The following SORCS2 variants were observed in gnomAD, a reference collection of about 807,000 sequenced individuals.
SORCS2 encodes VPS10 domain-containing receptor SorCS2.
A neutral mutation model predicts 141.6 loss-of-function variants in SORCS2; 100 were observed. The ratio of observed to expected loss-of-function variants is 0.71; its 90% CI spans 0.60 to 0.83. SORCS2 has a LOEUF of 0.83. Ranked by LOEUF, SORCS2 falls within the 40% of genes least tolerant of loss-of-function variation. The pLI, the probability that SORCS2 is intolerant of heterozygous loss-of-function variation, is 0.00. For missense variants in SORCS2, 1,646 were observed against 1,560.2 expected, an observed-to-expected ratio of 1.05 and a Z score of -0.93; for synonymous variants, 789 against 676.9, an observed-to-expected ratio of 1.17 and a Z score of -2.57.
chr4:7,723,606 A>T, intron 18 of SORCS2, 91 bp from the exon 19 acceptor site: 1 of 1,407,004 alleles, frequency 7.1e-7, no homozygotes, highest in Admixed American at 1.8e-5. Context: ...GCAATGAATG[A>T]ATGAGTGAGT....
chr4:7,374,398 A>C (rs552718994), intron 1 of SORCS2, among the ~76,000 whole-genome samples: 1 of 152,260 alleles, frequency 6.6e-6, no homozygotes, highest in South Asian at 2.1e-4. Context: ...CCCGGGTCTG[A>C]AAGTGGCGTG....
rs1245185796 is a variant in SORCS2, at chr4:7,574,737, C to T, written c.648+43108C>T. The stretch of plus-strand genomic sequence containing the variant: ...CAGGGCAGGGCCTTTTAGGTCAACC[C>T]CCATGAGCAGGAGGAAGGGCGGCTC... On this transcript the variant is annotated intron_variant, in intron 3 of 26. Coordinates refer to ENST00000507866, the MANE Select transcript of SORCS2 (RefSeq NM_020777.3). 3.9e-5 allele frequency among the ~76,000 whole-genome samples: 6 copies of T among 152,242 alleles called. No individual in the cohort carries two copies. The East Asian group carries it at 1.2e-3, about 29-fold the overall frequency.
At chr4:7,545,836 G>C (rs561974726) in intron 3 of SORCS2, among the ~76,000 whole-genome samples, 1 of 152,322 alleles carries the variant, frequency 6.6e-6, no homozygotes, top group East Asian at 1.9e-4. Context: ...TGGCTCTCAC[G>C]AAACACTCCA....
intron 1 of SORCS2, among the ~76,000 whole-genome samples, chr4:7,278,366 C>T (rs1054032971): frequency 5.9e-5 from 9 of 152,120 alleles, no homozygotes; most frequent in Non-Finnish European, 1.2e-4. Flanking sequence ...ATCATCAACT[C>T]CTCAGGCATC....
chr4:7,697,736 T>C (rs572370219), intron 12 of SORCS2, among the ~76,000 whole-genome samples: 1 of 146,232 alleles, frequency 6.8e-6, no homozygotes, highest in African/African-American at 2.6e-5. Context: ...GCAGGGGCTG[T>C]GGACACAGCA....
chr4:7,445,080 G>A (rs758053387), intron 2 of SORCS2, among the ~76,000 whole-genome samples: 1 of 150,562 alleles, frequency 6.6e-6, no homozygotes, highest in Non-Finnish European at 1.5e-5. Context: ...GGGAGGGATT[G>A]GGGGAGGCCC....
intron 1 of SORCS2, among the ~76,000 whole-genome samples, chr4:7,315,622 C>T (rs1208038838): frequency 1.3e-5 from 2 of 152,204 alleles, no homozygotes; most frequent in African/African-American, 4.8e-5. Context: ...GTCCTCTTTC[C>T]TCCCAGGAGG....
intron 6 of SORCS2, among the ~76,000 whole-genome samples, chr4:7,662,221 C>T (rs1211411399): frequency 7.5e-6 from 1 of 134,096 alleles, no homozygotes. Context: ...TGGCTCCCCA[C>T]CCTCCCCCCC....
At chr4:7,680,927 A>G (rs1334047607) in intron 9 of SORCS2, among the ~76,000 whole-genome samples, 1 of 152,238 alleles carries the variant, frequency 6.6e-6, no homozygotes, top group African/African-American at 2.4e-5. Context: ...ACTTTGAAAC[A>G]GATAATTTGT....
At chr4:7,602,907 G>T (rs1048253001) in intron 3 of SORCS2, among the ~76,000 whole-genome samples, 1 of 152,224 alleles carries the variant, frequency 6.6e-6, no homozygotes, top group East Asian at 1.9e-4. Flanking sequence ...CTGCAATCCC[G>T]GCACCTCGGG....
intron 10 of SORCS2, among the ~76,000 whole-genome samples, chr4:7,688,243 G>T (rs1446691653): frequency 1.3e-5 from 2 of 152,156 alleles, no homozygotes; most frequent in African/African-American, 4.8e-5. Context: ...ATTCTGGAAT[G>T]ACCCCTGCAG....
At chr4:7,240,345 C>G (rs1712608463) in intron 1 of SORCS2, among the ~76,000 whole-genome samples, 1 of 152,186 alleles carries the variant, frequency 6.6e-6, no homozygotes, top group Non-Finnish European at 1.5e-5. Flanking sequence ...AAATGTTTCA[C>G]CAGCAAATTA....
At chr4:7,369,655 C>T (rs1484646175) in intron 1 of SORCS2, among the ~76,000 whole-genome samples, 1 of 152,182 alleles carries the variant, frequency 6.6e-6, no homozygotes, top group African/African-American at 2.4e-5. Context: ...TGGCCTGGCC[C>T]CAGCTTTGCT....
intron 3 of SORCS2, among the ~76,000 whole-genome samples, chr4:7,572,545 C>T (rs1189517397): frequency 6.6e-6 from 1 of 152,202 alleles, no homozygotes; most frequent in African/African-American, 2.4e-5. Context: ...TACAGCAAGA[C>T]TTAGCCCATG....
chr4:7,429,615 A>G (rs987501618), intron 2 of SORCS2, among the ~76,000 whole-genome samples: 2 of 152,236 alleles, frequency 1.3e-5, no homozygotes, highest in East Asian at 3.8e-4. Context: ...TCCTCTGTGC[A>G]TGCACCCGGC....
At chr4:7,627,434 A>G (rs1205697904) in intron 3 of SORCS2, among the ~76,000 whole-genome samples, 2 of 152,204 alleles carry the variant, frequency 1.3e-5, no homozygotes, top group Admixed American at 6.5e-5. Flanking sequence ...GCCTCCCAAC[A>G]TGTTTCTCAG....
intron 1 of SORCS2, among the ~76,000 whole-genome samples, chr4:7,387,635 G>A (rs200811522): frequency 0.14 from 15,531 of 112,976 alleles, 1,353 homozygotes; most frequent in East Asian, 0.49. Flanking sequence ...TTGCACACAC[G>A]CACACACATG....
At chr4:7,560,620 C>G (rs1714467164) in intron 3 of SORCS2, among the ~76,000 whole-genome samples, 1 of 152,122 alleles carries the variant, frequency 6.6e-6, no homozygotes, top group Non-Finnish European at 1.5e-5. Flanking sequence ...GCACTGACAT[C>G]TTTGAAGGAC....
chr4:7,631,976 G>A (rs1344594219), intron 3 of SORCS2, among the ~76,000 whole-genome samples: 1 of 152,212 alleles, frequency 6.6e-6, no homozygotes, highest in East Asian at 1.9e-4. Flanking sequence ...ATTGGCTGCA[G>A]TATTTGTAGA....
Sources: allele counts gnomAD v4.1 joint callset (sites outside exome capture counted in the v4.1 genomes callset), GRCh38; gene constraint gnomAD v4.1.1; transcripts MANE v1.5; gene names NCBI Gene and HGNC (gene_info 2026-07-23, HGNC 2026-07-21).